Variants in WWP1 observed in about 807,000 individuals in gnomAD.
WWP1 encodes WW domain containing E3 ubiquitin protein ligase 1, also known as NEDD4-like E3 ubiquitin-protein ligase WWP1.
In WWP1, 49 loss-of-function variants were observed where a neutral mutation model predicts 130.6. The ratio of observed to expected loss-of-function variants is 0.38; its 90% CI spans 0.30 to 0.48. The LOEUF (loss-of-function observed/expected upper bound fraction) is 0.48, where lower values mean the gene tolerates loss of function less well. Ranked by LOEUF, WWP1 falls within the 20% of genes least tolerant of loss-of-function variation. The probability of loss-of-function intolerance (pLI) is 0.99; values close to 1 mark genes in which losing one functional copy is unlikely to be tolerated. For missense variants in WWP1, 809 were observed against 1,100.6 expected (o/e 0.74, Z 3.75); for synonymous variants, 332 against 367.8 (o/e 0.90, Z 1.11).
chr8:86,424,188 G>A (rs1809441203), intron 9 of WWP1, among the ~76,000 whole-genome samples: 2 of 149,514 alleles, frequency 1.3e-5, no homozygotes, highest in Non-Finnish European at 3.0e-5. Flanking sequence ...CGGCAGAGGC[G>A]CTCCTCACAT....
chr8:86,381,464 C>G, intron 4 of WWP1, 41 bp from the exon 5 acceptor site: 1 of 1,569,080 alleles, frequency 6.4e-7, no homozygotes, highest in East Asian at 2.3e-5. Context: ...AGAATGACAA[C>G]GTCTACTCCT....
intron 9 of WWP1, among the ~76,000 whole-genome samples, chr8:86,418,291 T>C (rs968360281): frequency 6.6e-6 from 1 of 152,222 alleles, no homozygotes; most frequent in Non-Finnish European, 1.5e-5. Flanking sequence ...TGGTCTAATA[T>C]ATAGGTCTCC....
At chr8:86,431,067 GTATAT>G (rs1198965436) in intron 12 of WWP1, among the ~76,000 whole-genome samples, 1 of 130,162 alleles carries the variant, frequency 7.7e-6, no homozygotes, top group Non-Finnish European at 1.5e-5. Flanking sequence ...ATATATATAT[GTATAT>G]TATAAGGGAT....
At chr8:86,441,364 G>T (rs1810582999) in intron 17 of WWP1, among the ~76,000 whole-genome samples, 1 of 152,182 alleles carries the variant, frequency 6.6e-6, no homozygotes, top group Non-Finnish European at 1.5e-5. Context: ...AGTTGATTTT[G>T]TTGAGGACTT....
intron 8 of WWP1, among the ~76,000 whole-genome samples, chr8:86,403,068 TG>T (rs1808088271): frequency 6.6e-6 from 1 of 152,216 alleles, no homozygotes; most frequent in African/African-American, 2.4e-5. Context: ...TTGTTTTGTT[TG>T]GTCATTGTAT....
rs553901767 is a variant in WWP1 at position 86,411,973 on chromosome 8, C to T, written c.1061+99C>T. On this transcript the variant is annotated intron_variant, in intron 9 of 24. Transcript: ENST00000517970. ...CATAAAATGTTTTCATTGTTCAGAA[C>T]TTTGAAATCTAAGTTGGGATCTGAA... is the stretch of plus-strand genomic sequence containing the variant. 4.3e-6 allele frequency: 5 copies of T among 1,172,392 alleles called. No individual in the cohort carries two copies. The South Asian group carries it at 6.5e-5, about 15-fold the overall frequency. The allele number at this position is 1,172,392 out of a possible 1,614,324, so 72.6% of individuals were successfully genotyped here. A position where few individuals can be genotyped will look rare whatever the true frequency, so the allele number is the denominator to read the frequency against.
chr8:86,367,287 A>G (rs1824026509), intron 1 of WWP1, among the ~76,000 whole-genome samples: 1 of 152,208 alleles, frequency 6.6e-6, no homozygotes, highest in African/African-American at 2.4e-5. Context: ...TTGTTAATTG[A>G]TCCAGGCACA....
At chr8:86,465,012 C>G (rs1811970439) in intron 24 of WWP1, among the ~76,000 whole-genome samples, 2 of 152,112 alleles carry the variant, frequency 1.3e-5, no homozygotes, top group South Asian at 4.1e-4. Flanking sequence ...TTACCACCCA[C>G]TGATTTCTGT....
intron 22 of WWP1, among the ~76,000 whole-genome samples, chr8:86,460,294 G>T (rs890366888): frequency 1.3e-5 from 2 of 152,194 alleles, no homozygotes; most frequent in Non-Finnish European, 2.9e-5. Flanking sequence ...TTTGTTTTCT[G>T]TAGGTTAAAG....
intron 5 of WWP1, among the ~76,000 whole-genome samples, chr8:86,396,930 C>G (rs1161211737): frequency 6.6e-6 from 1 of 152,016 alleles, no homozygotes; most frequent in African/African-American, 2.4e-5. Flanking sequence ...GACTAGATCT[C>G]ACTGTGTTGC....
intron 5 of WWP1, among the ~76,000 whole-genome samples, chr8:86,388,267 T>C (rs1013656697): frequency 3.3e-5 from 5 of 151,814 alleles, no homozygotes; most frequent in East Asian, 3.9e-4. Context: ...GTTTTTTTTT[T>C]CCTTTTTTCT....
chr8:86,449,685 C>T (rs1811069447), intron 20 of WWP1, among the ~76,000 whole-genome samples: 1 of 152,190 alleles, frequency 6.6e-6, no homozygotes, highest in Non-Finnish European at 1.5e-5. Flanking sequence ...TAGATATTGC[C>T]TCCTACTGAT....
intron 5 of WWP1, among the ~76,000 whole-genome samples, chr8:86,390,364 A>G (rs1330106887): frequency 6.6e-6 from 1 of 152,158 alleles, no homozygotes; most frequent in African/African-American, 2.4e-5. Flanking sequence ...TGGAGGTTGT[A>G]GCAAGCCGAG....
At chr8:86,411,043 T>C (rs1808554388) in intron 8 of WWP1, among the ~76,000 whole-genome samples, 1 of 152,208 alleles carries the variant, frequency 6.6e-6, no homozygotes, top group Non-Finnish European at 1.5e-5. Context: ...CTGGGTTATT[T>C]CTTGAAAAAG....
intron 9 of WWP1, among the ~76,000 whole-genome samples, chr8:86,424,688 G>A (rs1410795422): frequency 1.3e-5 from 2 of 151,584 alleles, no homozygotes; most frequent in Non-Finnish European, 2.9e-5. Context: ...GACTGCAATC[G>A]CAGGCACTCG....
intron 18 of WWP1, 61 bp from the exon 19 acceptor site, chr8:86,448,084 CATT>C (rs1452422756): frequency 2.2e-6 from 3 of 1,385,588 alleles, no homozygotes; most frequent in Admixed American, 2.8e-5. Context: ...TTTCTTTTAT[CATT>C]GTTCTCTAAG....
intron 8 of WWP1, among the ~76,000 whole-genome samples, chr8:86,403,850 A>C (rs568367753): frequency 1.1e-3 from 165 of 152,280 alleles, no homozygotes; most frequent in Non-Finnish European, 8.5e-4. Context: ...AAGAATAGAT[A>C]CAATTATGGT....
intron 9 of WWP1, among the ~76,000 whole-genome samples, chr8:86,412,893 A>G (rs1808671526): frequency 6.6e-6 from 1 of 151,894 alleles, no homozygotes; most frequent in African/African-American, 2.4e-5. Flanking sequence ...CAATGGCACG[A>G]TCTTGGCTCA....
chr8:86,366,012 A>T (rs1563469207), intron 1 of WWP1, among the ~76,000 whole-genome samples: 1 of 152,232 alleles, frequency 6.6e-6, no homozygotes, highest in Non-Finnish European at 1.5e-5. Context: ...TGTTTTCTTG[A>T]CATAACGTAT....
Sources: gnomAD v4.1 joint callset for allele counts (sites outside exome capture counted in the v4.1 genomes callset) on GRCh38, gnomAD v4.1.1 for gene constraint, MANE v1.5 for transcripts, NCBI Gene and HGNC (gene_info 2026-07-23, HGNC 2026-07-21) for gene names.